TBC1D9B: variants seen among roughly 807,000 people sequenced by gnomAD.
TBC1D9B encodes TBC1 domain family, member 9B (with GRAM domain).
TBC1D9B carries 87 observed loss-of-function variants against 121.1 expected under a neutral mutation model. That is an observed-to-expected ratio of 0.72 (90% confidence interval 0.60 to 0.86). The LOEUF (loss-of-function observed/expected upper bound fraction) is 0.86. Among genes scored for constraint, TBC1D9B ranks in the 40% least tolerant of loss-of-function variants. The pLI, the probability that TBC1D9B is intolerant of heterozygous loss-of-function variation, is 0.00. For synonymous variants in TBC1D9B, 668 were observed against 670.1 expected, an observed-to-expected ratio of 1.00 and a Z score of 0.05; for missense variants, 1,540 against 1,628.6, an observed-to-expected ratio of 0.95 and a Z score of 0.94.
chr5:179,880,332 G>A (rs916442992), intron 7 of TBC1D9B, among the ~76,000 whole-genome samples: 3 of 152,252 alleles, frequency 2.0e-5, no homozygotes, highest in East Asian at 3.8e-4. Flanking sequence ...GTGCCACACC[G>A]GCCTGAGAGT....
At chr5:179,881,317 A>C (rs1019429888) in intron 7 of TBC1D9B, among the ~76,000 whole-genome samples, 1 of 152,172 alleles carries the variant, frequency 6.6e-6, no homozygotes, top group African/African-American at 2.4e-5. Flanking sequence ...CCATCCTTGC[A>C]TCCCACTGAA....
rs889594762 is a variant in TBC1D9B, at chr5:179,863,340, G to A, written c.*108C>T. 2.2e-5 allele frequency: 28 copies of A among 1,270,586 alleles called. No homozygotes were observed. Among genetic ancestry groups the A allele is most frequent in the Non-Finnish European group, 2.9e-5 (27 of 921,690 alleles). 78.7% of individuals were successfully genotyped at this position (1,270,586 alleles called of 1,614,324 possible). A position where few individuals can be genotyped will look rare whatever the true frequency, so the allele number is the denominator to read the frequency against. On this transcript the variant is annotated 3_prime_UTR_variant, in exon 21 of 21. Transcript: ENST00000355235. The surrounding 1 kb of genome is among the most constrained non-coding windows in gnomAD (Gnocchi z 4.5). ...CTCACAACTCACTGCTCCTGGGAGA[G>A]CAGGAGGGGCACACCTTTAAAGAGA...
chr5:179,893,396 T>A lies in TBC1D9B; in HGVS notation c.649A>T (p.Ile217Phe), dbSNP rs1243117554. 1 of 1,614,154 alleles carries A rather than the reference T, an allele frequency of 6.2e-7. No individual in the cohort carries two copies. The highest frequency in any genetic ancestry group is 1.1e-5 in the South Asian group (1 of 91,082). ...TCCTGGTCGCGGGTGTCCACACGGA[T>A]GCTCTCGGGGAAGAGCAGGGTGGCG... Reference protein sequence around the residue: ...KNATLLFPESIRVDTRDQELF... With the variant: ...KNATLLFPESFRVDTRDQELF... Residue 217 changes from isoleucine (I) to phenylalanine (F), a missense_variant, in exon 5 of 21, where the codon ATC (isoleucine) becomes TTC (phenylalanine). Coordinates refer to ENST00000355235, the MANE Select transcript of TBC1D9B (RefSeq NM_015043.4).
Position 179,865,337 on chromosome 5 carries a change from C to A in TBC1D9B, c.2938G>T (p.Asp980Tyr). Residue 980 changes from aspartate (D) to tyrosine (Y), a missense_variant, in exon 20 of 21, where the codon GAC becomes TAC. Physicochemically the swap from Asp to Tyr is radical, Grantham distance 160 (BLOSUM62 -3). Coordinates refer to ENST00000355235, the MANE Select transcript of TBC1D9B (RefSeq NM_015043.4). The surrounding 1 kb of genome is among the most constrained non-coding windows in gnomAD (Gnocchi z 5.1). The part of the protein sequence containing the change: ...RGEEKGTSSP[D>Y]YRHYLRMWAK... Reference sequence around the variant, plus strand: ...CACATTCGAAGGTAGTGCCGATAGTCCGGAGAGCTGGTCCCCTTCTCCTCT... The same window carrying A: ...CACATTCGAAGGTAGTGCCGATAGTACGGAGAGCTGGTCCCCTTCTCCTCT... 1 of 1,614,066 alleles carries A rather than the reference C, an allele frequency of 6.2e-7. No homozygotes were observed. Among genetic ancestry groups the A allele is most frequent in the African/African-American group, 1.3e-5 (1 of 75,050 alleles).
At chr5:179,889,857 G>A (rs890640604) in intron 6 of TBC1D9B, among the ~76,000 whole-genome samples, 1 of 131,282 alleles carries the variant, frequency 7.6e-6, no homozygotes, top group Non-Finnish European at 1.6e-5. Flanking sequence ...CCAGGCAAGA[G>A]TGAGACCCTG....
rs777824774 is a variant in TBC1D9B, at chr5:179,879,073, C to G, written c.1541G>C (p.Arg514Pro). 6.2e-7 allele frequency: 1 copy of G among 1,604,804 alleles called. No homozygotes were observed. The highest frequency in any genetic ancestry group is 1.7e-5 in the Admixed American group (1 of 60,020). Residue 514 changes from arginine (R) to proline (P), a missense_variant, in exon 9 of 21, where the codon CGG becomes CCG. By Grantham distance (103) the Arg-to-Pro change is moderately radical. Coordinates refer to ENST00000355235, the MANE Select transcript of TBC1D9B (RefSeq NM_015043.4). ...GGAGAAGAGGAGCCACAGCTCTCCC[C>G]GGAGGCTCTCAGGGATACCCTTCAG... Reference protein sequence around the residue: ...LVLKGIPESLRGELWLLFSGA... With the variant: ...LVLKGIPESLPGELWLLFSGA...
chr5:179,887,381 C>T (rs777539442), intron 7 of TBC1D9B, among the ~76,000 whole-genome samples: 5 of 152,256 alleles, frequency 3.3e-5, no homozygotes, highest in Non-Finnish European at 5.9e-5. Context: ...CTCTCGGTCT[C>T]ACCGCTCAAC....
In TBC1D9B at chr5:179,875,545, C is replaced by G. The variant is rs887815027; in HGVS notation, c.1901-358G>C. ...CCCCAAGAGCGGTAACTCCAAACAC[C>G]AGACAGCAGGGGAAGGACAGGATAA... On this transcript the variant is annotated intron_variant, in intron 11 of 20. Coordinates refer to ENST00000355235, the MANE Select transcript of TBC1D9B (RefSeq NM_015043.4). The surrounding 1 kb of genome is among the most constrained non-coding windows in gnomAD (Gnocchi z 4.5). Among the ~76,000 whole-genome samples, 1 of 152,166 alleles carries G rather than the reference C, an allele frequency of 6.6e-6. No individual in the cohort carries two copies. Among genetic ancestry groups the G allele is most frequent in the East Asian group, 1.9e-4 (1 of 5,196 alleles).
intron 7 of TBC1D9B, among the ~76,000 whole-genome samples, chr5:179,883,934 T>G (rs1278563668): frequency 6.6e-6 from 1 of 152,202 alleles, no homozygotes; most frequent in African/African-American, 2.4e-5. Context: ...TCCTTGCTCC[T>G]GTACTTTCTG....
Position 179,876,151 on chromosome 5 carries a change from TTTG to T in TBC1D9B, c.1783-117_1783-115del, listed in dbSNP as rs972058272. The T allele has an allele frequency of 9.8e-6, 7 of 715,454 alleles. No homozygotes were observed. In the African/African-American group the frequency reaches 1.1e-4, roughly 11 times the overall value. 44.3% of individuals were successfully genotyped at this position (715,454 alleles called of 1,614,324 possible). A position where few individuals can be genotyped will look rare whatever the true frequency, so the allele number is the denominator to read the frequency against. On this transcript the variant is annotated intron_variant, in intron 10 of 20. Coordinates refer to ENST00000355235, the MANE Select transcript of TBC1D9B (RefSeq NM_015043.4). Reference sequence around the variant, plus strand: ...CTGCAAGGGCCCACATGATCTTCTTTTTGTTGTTGTTATTTTTATTATTTTTCA... The same window carrying T: ...CTGCAAGGGCCCACATGATCTTCTTTTTGTTGTTATTTTTATTATTTTTCA...
intron 5 of TBC1D9B, 104 bp downstream of exon 5, chr5:179,893,105 G>T: frequency 6.8e-7 from 1 of 1,470,330 alleles, no homozygotes; most frequent in Non-Finnish European, 9.0e-7. Flanking sequence ...AGGGGTGAAT[G>T]TGGACACCTT....
Position 179,874,939 on chromosome 5 carries a change from A to G in TBC1D9B, c.2149T>C (p.Cys717Arg), listed in dbSNP as rs770922978. Residue 717 changes from cysteine (C) to arginine (R), a missense_variant, in exon 12 of 21, where the codon TGC (cysteine) becomes CGC (arginine). Transcript: ENST00000355235. The surrounding 1 kb of genome is among the most constrained non-coding windows in gnomAD (Gnocchi z 4.3). ...LDANMEQLLG[C>R]SDEGEAMTML... ...GTCATGGCCTCGCCCTCGTCGCTGCAGCCCAGCAGCTGCTCCATGTTGGCG... is the reference window on the plus strand; with the variant it reads ...GTCATGGCCTCGCCCTCGTCGCTGCGGCCCAGCAGCTGCTCCATGTTGGCG... 6.2e-7 allele frequency: 1 copy of G among 1,613,664 alleles called. No homozygotes were observed. The highest frequency in any genetic ancestry group is 2.2e-5 in the East Asian group (1 of 44,882).
intron 3 of TBC1D9B, among the ~76,000 whole-genome samples, 156 bp from the exon 4 acceptor site, chr5:179,894,770 T>C (rs1760975185): frequency 6.6e-6 from 1 of 152,146 alleles, no homozygotes; most frequent in South Asian, 2.1e-4. Flanking sequence ...TGGCTTGCAG[T>C]CAAGGCACAT....
chr5:179,895,056 T>C (rs1260043476), intron 3 of TBC1D9B, among the ~76,000 whole-genome samples: 1 of 152,182 alleles, frequency 6.6e-6, no homozygotes, highest in East Asian at 1.9e-4. Flanking sequence ...AAATGGGGTT[T>C]TGCCATGTTG....
At position 179,874,089 on chromosome 5, in the gene TBC1D9B, G is replaced by A. The variant is rs192448468; in HGVS notation, c.2186+813C>T. On this transcript the variant is annotated intron_variant, in intron 12 of 20. Transcript: ENST00000355235. The surrounding 1 kb of genome is among the most constrained non-coding windows in gnomAD (Gnocchi z 4.3). ...CCCAGGCTGTTCCTGGGGGCTGGGG[G>A]CATTCCAGTCCGGACAAATACGCTA... Among the ~76,000 whole-genome samples, 460 of 152,264 alleles carry A rather than the reference G, an allele frequency of 3.0e-3. 3 individuals are homozygous for A. The highest frequency in any genetic ancestry group is 0.011 in the African/African-American group (439 of 41,554).
chr5:179,884,226 A>G (rs1760615085), intron 7 of TBC1D9B: 2 of 152,150 alleles, frequency 1.3e-5, no homozygotes, highest in East Asian at 1.9e-4. Flanking sequence ...TCGGCTCCCA[A>G]TTTCACTGGC....
At position 179,863,050 on chromosome 5, in the gene TBC1D9B, C is replaced by T. The variant is rs542946100; in HGVS notation, c.*398G>A. The T allele has an allele frequency of 9.9e-5, 26 of 262,734 alleles. No individual in the cohort carries two copies. Among genetic ancestry groups the T allele is most frequent in the Non-Finnish European group, 2.0e-4 (26 of 132,852 alleles). The allele number at this position is 262,734 out of a possible 1,614,324, so 16.3% of individuals were successfully genotyped here. A position where few individuals can be genotyped will look rare whatever the true frequency, so the allele number is the denominator to read the frequency against. On this transcript the variant is annotated 3_prime_UTR_variant, in exon 21 of 21. Coordinates refer to ENST00000355235, the MANE Select transcript of TBC1D9B (RefSeq NM_015043.4). This position sits in a 1 kb window ranked among gnomAD's most constrained non-coding sequence, Gnocchi z 4.5. Reference sequence around the variant, plus strand: ...CCAAGAGGCAGGAATGACCCCCATACCACATAGCTGCAGGAAAGCATCCAC... The same window carrying T: ...CCAAGAGGCAGGAATGACCCCCATATCACATAGCTGCAGGAAAGCATCCAC...
In TBC1D9B at chr5:179,907,507, C is replaced by T. The variant is rs1268976561; in HGVS notation, c.118+197G>A. 1.3e-5 allele frequency among the ~76,000 whole-genome samples: 2 copies of T among 150,828 alleles called. No homozygotes were observed. Among genetic ancestry groups the T allele is most frequent in the Non-Finnish European group, 3.0e-5 (2 of 67,552 alleles). The stretch of plus-strand genomic sequence containing the variant: ...GCGCATTCGCCTCCCGCCAGCCCCT[C>T]GCCTCCCCGCCCCGGCCCCTCCGCG... On this transcript the variant is annotated intron_variant, in intron 1 of 20. Transcript: ENST00000355235. This position sits in a 1 kb window ranked among gnomAD's most constrained non-coding sequence, Gnocchi z 5.3.
chr5:179,878,648 T>C, intron 9 of TBC1D9B, 125 bp from the exon 10 acceptor site: 1 of 963,526 alleles, frequency 1.0e-6, no homozygotes, highest in Non-Finnish European at 1.5e-6. Context: ...AAGCACAAGC[T>C]GCGAGGCAAG....
Sources: allele counts gnomAD v4.1 joint callset (sites outside exome capture counted in the v4.1 genomes callset), GRCh38; gene constraint gnomAD v4.1.1; non-coding constraint Gnocchi (gnomAD v3.1); transcripts MANE v1.5; gene names NCBI Gene and HGNC (gene_info 2026-07-23, HGNC 2026-07-21).